The following KCND3 variants were observed in gnomAD, a reference collection of about 807,000 sequenced individuals.
KCND3 encodes the protein potassium voltage-gated channel subfamily D member 3.
Under a neutral mutation model 51.1 loss-of-function variants are expected in KCND3, and 9 were observed. The ratio of observed to expected loss-of-function variants is 0.18; its 90% CI spans 0.11 to 0.31. The LOEUF is 0.31. Among genes scored for constraint, KCND3 ranks in the 10% least tolerant of loss-of-function variants. KCND3 has a pLI of 1.00. For missense variants in KCND3, 526 were observed against 903.8 expected, an observed-to-expected ratio of 0.58 and a Z score of 5.36; for synonymous variants, 349 against 368.0, an observed-to-expected ratio of 0.95 and a Z score of 0.59.
intron 2 of KCND3, among the ~76,000 whole-genome samples, chr1:111,794,196 A>T (rs1001209706): frequency 6.6e-6 from 1 of 152,228 alleles, no homozygotes; most frequent in Admixed American, 6.5e-5. Context: ...AAGGCTAATT[A>T]ATTTGTATTA....
rs1173857135 is a variant in KCND3 at position 111,989,666 on chromosome 1, G to T, written c.-234C>A. 1 of 148,500 alleles carries T rather than the reference G, an allele frequency of 6.7e-6. No homozygotes were observed. The highest frequency in any genetic ancestry group is 1.5e-5 in the Non-Finnish European group (1 of 66,300). The allele number at this position is 148,500 out of a possible 1,614,324, so 9.2% of individuals were successfully genotyped here. A position where few individuals can be genotyped will look rare whatever the true frequency, so the allele number is the denominator to read the frequency against. ...CCTCCTCGCCAGCGCAGTCTCGCTCGCTGCCTCCCTCGCTCGGTCGGTTCG... is the reference window on the plus strand; with the variant it reads ...CCTCCTCGCCAGCGCAGTCTCGCTCTCTGCCTCCCTCGCTCGGTCGGTTCG... On this transcript the variant is annotated 5_prime_UTR_variant, in exon 1 of 8. Transcript: ENST00000302127.
At chr1:111,925,816 A>C (rs957631562) in intron 2 of KCND3, among the ~76,000 whole-genome samples, 17 of 152,030 alleles carry the variant, frequency 1.1e-4, no homozygotes, top group African/African-American at 4.1e-4. Context: ...TGTAACTCGA[A>C]AAAAGACCAA....
intron 2 of KCND3, among the ~76,000 whole-genome samples, chr1:111,854,314 T>G (rs868186469): frequency 2.2e-4 from 33 of 152,192 alleles, no homozygotes; most frequent in African/African-American, 7.7e-4. Context: ...CTAAAAAGTT[T>G]CATTGTTCTG....
chr1:111,971,657 A>T (rs1339359386), intron 2 of KCND3, among the ~76,000 whole-genome samples: 1 of 151,864 alleles, frequency 6.6e-6, no homozygotes, highest in Non-Finnish European at 1.5e-5. Context: ...CCATCTTTCC[A>T]CCTGTCTGCC....
chr1:111,937,790 C>A (rs557623731), intron 2 of KCND3, among the ~76,000 whole-genome samples: 2 of 152,314 alleles, frequency 1.3e-5, no homozygotes, highest in South Asian at 4.1e-4. Context: ...GCCTCTCCAT[C>A]CATTCCCTGG....
chr1:111,963,459 T>C (rs1673783054), intron 2 of KCND3, among the ~76,000 whole-genome samples: 1 of 152,252 alleles, frequency 6.6e-6, no homozygotes, highest in Admixed American at 6.5e-5. Context: ...TTCCTCAGTT[T>C]TCTCACCTGT....
At chr1:111,892,511 C>G (rs1455179598) in intron 2 of KCND3, among the ~76,000 whole-genome samples, 1 of 152,200 alleles carries the variant, frequency 6.6e-6, no homozygotes, top group East Asian at 1.9e-4. Context: ...TGAGTGCCTA[C>G]AACTTGAGTG....
chr1:111,971,295 CAAAA>C (rs3058881), intron 2 of KCND3, among the ~76,000 whole-genome samples: 36,688 of 134,902 alleles, frequency 0.27, 4,814 homozygotes, highest in Admixed American at 0.32. Context: ...TTGCAGGAGG[CAAAA>C]AAAAAAAAAA....
chr1:111,929,050 A>C (rs1162932185), intron 2 of KCND3, among the ~76,000 whole-genome samples: 1 of 152,242 alleles, frequency 6.6e-6, no homozygotes, highest in Non-Finnish European at 1.5e-5. Context: ...TTTCTGATTA[A>C]TGCAAATTTG....
chr1:111,875,963 G>C (rs1357973370), intron 2 of KCND3, among the ~76,000 whole-genome samples: 1 of 152,174 alleles, frequency 6.6e-6, no homozygotes, highest in African/African-American at 2.4e-5. Context: ...AGAGAAACAG[G>C]GCCAATGTGC....
At chr1:111,837,285 C>A (rs964179880) in intron 2 of KCND3, among the ~76,000 whole-genome samples, 7 of 152,118 alleles carry the variant, frequency 4.6e-5, no homozygotes, top group Non-Finnish European at 8.8e-5. Context: ...TCATCATGAG[C>A]CCCTCAACAT....
At chr1:111,937,035 G>C (rs1672252959) in intron 2 of KCND3, among the ~76,000 whole-genome samples, 1 of 152,218 alleles carries the variant, frequency 6.6e-6, no homozygotes, top group Admixed American at 6.5e-5. Flanking sequence ...AGGGTCTCAG[G>C]AGAGAATGCA....
intron 2 of KCND3, among the ~76,000 whole-genome samples, chr1:111,979,799 G>A (rs1674839153): frequency 6.6e-6 from 1 of 152,184 alleles, no homozygotes; most frequent in African/African-American, 2.4e-5. Flanking sequence ...ACATATAGTA[G>A]ACAATCATAT....
rs142518638 is a variant in KCND3 at position 111,825,871 on chromosome 1, C to T, written c.1107-38765G>A. ...ATTAATAACAGTATTTCTAAAGTAG[C>T]ACTATTTCCTCGGGAGAGATCCAAG... On this transcript the variant is annotated intron_variant, in intron 2 of 7. Transcript: ENST00000302127. Among the ~76,000 whole-genome samples the T allele has an allele frequency of 1.1e-4, 16 of 152,296 alleles. No homozygotes were observed. The East Asian group carries it at 3.1e-3, about 29-fold the overall frequency.
rs765609716 is a variant in KCND3, at chr1:111,982,881, G to T, written c.-72-83C>A. ...AAATGGGACACAGGAAAGGATCACTGGTGAGTGAAACGGCCAAAGTCTCCA... is the reference window on the plus strand; with the variant it reads ...AAATGGGACACAGGAAAGGATCACTTGTGAGTGAAACGGCCAAAGTCTCCA... On this transcript the variant is annotated intron_variant, in intron 1 of 7. Transcript: ENST00000302127. This position sits in a 1 kb window ranked among gnomAD's most constrained non-coding sequence, Gnocchi z 8.5. 2.7e-6 allele frequency: 3 copies of T among 1,097,624 alleles called. No homozygotes were observed. Among genetic ancestry groups the T allele is most frequent in the Non-Finnish European group, 4.0e-6 (3 of 758,098 alleles). 68.0% of individuals were successfully genotyped at this position (1,097,624 alleles called of 1,614,324 possible).
At chr1:111,933,479 T>C (rs1672074133) in intron 2 of KCND3, among the ~76,000 whole-genome samples, 1 of 152,182 alleles carries the variant, frequency 6.6e-6, no homozygotes, top group African/African-American at 2.4e-5. Flanking sequence ...TTGAGTGTCC[T>C]GTTAGGAGCC....
At chr1:111,972,448 A>G (rs1383078228) in intron 2 of KCND3, among the ~76,000 whole-genome samples, 1 of 152,168 alleles carries the variant, frequency 6.6e-6, no homozygotes, top group Non-Finnish European at 1.5e-5. Flanking sequence ...CTGGGATTAC[A>G]GGCGTGAGCC....
chr1:111,798,596 C>T (rs1044877406), intron 2 of KCND3, among the ~76,000 whole-genome samples: 1 of 151,680 alleles, frequency 6.6e-6, no homozygotes, highest in Non-Finnish European at 1.5e-5. Flanking sequence ...AAAGCAATCC[C>T]CCTGGTGTGT....
intron 2 of KCND3, among the ~76,000 whole-genome samples, chr1:111,915,279 A>C (rs1671143905): frequency 6.6e-6 from 1 of 152,228 alleles, no homozygotes; most frequent in Non-Finnish European, 1.5e-5. Flanking sequence ...CAATAATTAC[A>C]TTAAGTATAC....
Sources: allele counts gnomAD v4.1 joint callset (sites outside exome capture counted in the v4.1 genomes callset), GRCh38; gene constraint gnomAD v4.1.1; non-coding constraint Gnocchi (gnomAD v3.1); transcripts MANE v1.5; gene names NCBI Gene and HGNC (gene_info 2026-07-23, HGNC 2026-07-21).